Variants in ZNF704 observed in about 807,000 individuals in gnomAD.
The protein encoded by ZNF704 is glucocorticoid induced gene 1.
ZNF704 carries 10 observed loss-of-function variants against 44.7 expected under a neutral mutation model. The observed-to-expected ratio is 0.22, with a 90% confidence interval of 0.14 to 0.38. The LOEUF (loss-of-function observed/expected upper bound fraction) is 0.38, where lower values mean the gene tolerates loss of function less well. Among genes scored for constraint, ZNF704 ranks in the 10% least tolerant of loss-of-function variants. The pLI, the probability that ZNF704 is intolerant of heterozygous loss-of-function variation, is 1.00. For synonymous variants in ZNF704, 211 were observed against 207.6 expected, an observed-to-expected ratio of 1.02 and a Z score of -0.14; for missense variants, 390 against 545.5, an observed-to-expected ratio of 0.71 and a Z score of 2.84.
chr8:80,821,458 T>C lies in ZNF704; in HGVS notation c.137A>G (p.His46Arg), dbSNP rs367938660. 6 of 1,614,166 alleles carry C rather than the reference T, an allele frequency of 3.7e-6. No homozygotes were observed. The highest frequency in any genetic ancestry group is 1.6e-4 in the Middle Eastern group (1 of 6,062). Residue 46 changes from histidine (H) to arginine (R), a missense_variant, in exon 2 of 9, where the codon CAT (histidine) becomes CGT (arginine). By Grantham distance (29) the His-to-Arg change is conservative. Around this residue, in one of 3 missense-constraint regions of ZNF704, gnomAD observed 80 missense variants for 83.7 expected, o/e 0.96. Transcript: ENST00000327835. ...DTKKASRILD[H>R]EKENTRSICL... ...GATGGAGCGAGTGTTTTCTTTTTCA[T>C]GGTCAAGGATCCGGCTGGCTTTTTT...
chr8:80,853,232 G>A (rs1256772367), intron 1 of ZNF704, among the ~76,000 whole-genome samples: 2 of 152,196 alleles, frequency 1.3e-5, no homozygotes, highest in Non-Finnish European at 2.9e-5. Flanking sequence ...CAGGCATGGT[G>A]GTGTGTTCCT....
intron 1 of ZNF704, among the ~76,000 whole-genome samples, chr8:80,863,560 C>T (rs1287140628): frequency 1.3e-5 from 2 of 152,134 alleles, no homozygotes; most frequent in African/African-American, 2.4e-5. Context: ...TTCTCTGAGG[C>T]TTATTTTACA....
chr8:80,847,683 C>T (rs533693132), intron 1 of ZNF704, among the ~76,000 whole-genome samples: 3 of 152,274 alleles, frequency 2.0e-5, no homozygotes, highest in Admixed American at 6.5e-5. Flanking sequence ...CAACTGATTT[C>T]TGTCAAAGGT....
chr8:80,792,098 G>A (rs1158018168), intron 2 of ZNF704, among the ~76,000 whole-genome samples: 1 of 152,052 alleles, frequency 6.6e-6, no homozygotes, highest in Non-Finnish European at 1.5e-5. Flanking sequence ...GAGACAGAAA[G>A]GAAAAGGCAG....
At chr8:80,870,148 T>C (rs1408121724) in intron 1 of ZNF704, among the ~76,000 whole-genome samples, 1 of 152,206 alleles carries the variant, frequency 6.6e-6, no homozygotes, top group Non-Finnish European at 1.5e-5. Context: ...CCTAGACTCC[T>C]AACCCACAGA....
chr8:80,747,198 C>T (rs1250413870), intron 2 of ZNF704, among the ~76,000 whole-genome samples: 1 of 152,066 alleles, frequency 6.6e-6, no homozygotes, highest in East Asian at 1.9e-4. Flanking sequence ...GCTAAATTCA[C>T]GGTCTGCGGT....
intron 2 of ZNF704, among the ~76,000 whole-genome samples, chr8:80,769,459 A>ACGTGGCTGGGGAGGCCTCACAAT (rs1807282588): frequency 1.3e-5 from 2 of 152,224 alleles, no homozygotes; most frequent in Non-Finnish European, 2.9e-5. Context: ...TTACAGTTCC[A>ACGTGGCTGGGGAGGCCTCACAAT]CATGTTCTTG....
intron 2 of ZNF704, among the ~76,000 whole-genome samples, chr8:80,723,178 T>C (rs907810591): frequency 6.6e-6 from 1 of 152,214 alleles, no homozygotes; most frequent in African/African-American, 2.4e-5. Flanking sequence ...GTCATTCCAG[T>C]AATATATAAT....
intron 2 of ZNF704, among the ~76,000 whole-genome samples, chr8:80,738,565 C>G (rs757288402): frequency 6.9e-6 from 1 of 144,928 alleles, no homozygotes; most frequent in Admixed American, 6.6e-5. Flanking sequence ...TGGTTTGACT[C>G]CAGAGTCTTT....
chr8:80,874,886 C>A (rs978886584), upstream of ZNF704: 3 of 146,526 alleles, frequency 2.0e-5, no homozygotes, highest in African/African-American at 7.4e-5. The surrounding 1 kb of genome is among the most constrained non-coding windows in gnomAD (Gnocchi z 4.4). Context: ...CGATTGTCTA[C>A]CAATCTCACA....
chr8:80,781,910 G>C (rs1807530026), intron 2 of ZNF704, among the ~76,000 whole-genome samples: 1 of 152,312 alleles, frequency 6.6e-6, no homozygotes, highest in East Asian at 1.9e-4. Context: ...AGAATGGCTG[G>C]AGAATGATGG....
intron 1 of ZNF704, among the ~76,000 whole-genome samples, chr8:80,859,404 C>T (rs1481518323): frequency 6.6e-6 from 1 of 152,110 alleles, no homozygotes; most frequent in African/African-American, 2.4e-5. Flanking sequence ...AGGAACTATC[C>T]TAAGCAATGT....
chr8:80,834,420 C>T (rs1808523501), intron 1 of ZNF704, among the ~76,000 whole-genome samples: 1 of 152,090 alleles, frequency 6.6e-6, no homozygotes, highest in Non-Finnish European at 1.5e-5. Context: ...TGAAGCCCTG[C>T]GTTATGTTTT....
intron 1 of ZNF704, 39 bp from the exon 2 acceptor site, chr8:80,821,654 C>T (rs1586052067): frequency 2.6e-6 from 4 of 1,528,372 alleles, no homozygotes; most frequent in Non-Finnish European, 2.7e-6. Context: ...TCACATAAAA[C>T]ATCACCTTTG....
chr8:80,736,886 C>T (rs762749652), intron 2 of ZNF704, among the ~76,000 whole-genome samples: 1 of 151,256 alleles, frequency 6.6e-6, no homozygotes, highest in Non-Finnish European at 1.5e-5. Flanking sequence ...TGTGTCCCAT[C>T]CCAAAATTTG....
At chr8:80,836,770 C>G (rs948631993) in intron 1 of ZNF704, among the ~76,000 whole-genome samples, 4 of 152,146 alleles carry the variant, frequency 2.6e-5, no homozygotes, top group Non-Finnish European at 4.4e-5. Flanking sequence ...GCCTGGGCGA[C>G]AGAGTGAGAA....
At chr8:80,652,801 C>T (rs1364884882) in intron 7 of ZNF704, among the ~76,000 whole-genome samples, 4 of 152,132 alleles carry the variant, frequency 2.6e-5, no homozygotes, top group Non-Finnish European at 4.4e-5. Flanking sequence ...AGAGGAAATC[C>T]TCCCTAACTC....
At chr8:80,867,371 C>G (rs982441531) in intron 1 of ZNF704, among the ~76,000 whole-genome samples, 1 of 152,170 alleles carries the variant, frequency 6.6e-6, no homozygotes, top group Non-Finnish European at 1.5e-5. Flanking sequence ...CAACCCACAA[C>G]TCTAAGGGAG....
intron 1 of ZNF704, among the ~76,000 whole-genome samples, chr8:80,841,561 G>C (rs866087220): frequency 1.3e-5 from 2 of 152,116 alleles, no homozygotes; most frequent in African/African-American, 4.8e-5. Context: ...GTGTTATTGA[G>C]AGAATCAAAT....
Sources: gnomAD v4.1 joint callset for allele counts (sites outside exome capture counted in the v4.1 genomes callset) on GRCh38, gnomAD v4.1.1 for gene constraint, gnomAD v4.1.1 regional missense constraint, Gnocchi (gnomAD v3.1) non-coding constraint, MANE v1.5 for transcripts, NCBI Gene and HGNC (gene_info 2026-07-23, HGNC 2026-07-21) for gene names.